Variants in ENOX1 observed in about 807,000 individuals in gnomAD.
The protein encoded by ENOX1 is ecto-NOX disulfide-thiol exchanger 1.
Under a neutral mutation model 82.5 loss-of-function variants are expected in ENOX1, and 42 were observed. The observed-to-expected ratio is 0.51, with a 90% CI of 0.40 to 0.66. The LOEUF (loss-of-function observed/expected upper bound fraction) is 0.66. Ranked by LOEUF, ENOX1 falls within the 30% of genes least tolerant of loss-of-function variation. The pLI, the probability that ENOX1 is intolerant of heterozygous loss-of-function variation, is 0.00. For missense variants in ENOX1, 608 were observed against 811.6 expected (o/e 0.75, Z 3.05); for synonymous variants, 271 against 282.2 (o/e 0.96, Z 0.40).
At chr13:43,216,616 C>T (rs1264026222) in intron 16 of ENOX1, among the ~76,000 whole-genome samples, 1 of 152,092 alleles carries the variant, frequency 6.6e-6, no homozygotes, top group Non-Finnish European at 1.5e-5. Context: ...GCTCTAGTCT[C>T]CAGTCAAATT....
chr13:43,215,684 C>T (rs1463282381), intron 16 of ENOX1, among the ~76,000 whole-genome samples: 1 of 152,170 alleles, frequency 6.6e-6, no homozygotes, highest in Non-Finnish European at 1.5e-5. Context: ...GTGCCTTAAG[C>T]ACTTCCCATG....
chr13:43,287,316 G>C (rs1240619789), intron 12 of ENOX1, among the ~76,000 whole-genome samples: 1 of 152,214 alleles, frequency 6.6e-6, no homozygotes, highest in African/African-American at 2.4e-5. Flanking sequence ...CTGTGAGCCT[G>C]AGTCTTCTTT....
intron 2 of ENOX1, among the ~76,000 whole-genome samples, chr13:43,588,622 C>T (rs2081100861): frequency 6.6e-6 from 1 of 152,220 alleles, no homozygotes; most frequent in Non-Finnish European, 1.5e-5. Flanking sequence ...ACCTCCTAGA[C>T]ATATGGCCTC....
chr13:43,221,260 T>C (rs974707131), intron 16 of ENOX1, among the ~76,000 whole-genome samples: 2 of 152,202 alleles, frequency 1.3e-5, no homozygotes, highest in Non-Finnish European at 2.9e-5. Flanking sequence ...CTAAAGGATA[T>C]ATAAACAGGG....
intron 1 of ENOX1, among the ~76,000 whole-genome samples, chr13:43,746,289 T>C (rs952142924): frequency 1.3e-5 from 2 of 152,162 alleles, no homozygotes; most frequent in African/African-American, 4.8e-5. Context: ...GTTTGAGTTT[T>C]GTAACCTTGG....
chr13:43,757,822 CT>C (rs1177903733), intron 1 of ENOX1, among the ~76,000 whole-genome samples: 9 of 151,650 alleles, frequency 5.9e-5, no homozygotes, highest in East Asian at 3.9e-4. Flanking sequence ...AAATGTATGA[CT>C]TTTTTTTTCA....
chr13:43,491,059 T>C (rs1593464092), intron 2 of ENOX1, among the ~76,000 whole-genome samples: 1 of 152,182 alleles, frequency 6.6e-6, no homozygotes, highest in Non-Finnish European at 1.5e-5. Flanking sequence ...CTTCAGCCTA[T>C]ACAGGAAGCA....
intron 2 of ENOX1, among the ~76,000 whole-genome samples, chr13:43,620,005 T>G (rs2082653882): frequency 6.6e-6 from 1 of 152,150 alleles, no homozygotes; most frequent in Non-Finnish European, 1.5e-5. Context: ...TCCAGGAATT[T>G]ATCCATCTCT....
At chr13:43,730,892 T>A (rs762526894) in intron 1 of ENOX1, among the ~76,000 whole-genome samples, 3 of 152,160 alleles carry the variant, frequency 2.0e-5, no homozygotes, top group Non-Finnish European at 4.4e-5. Context: ...GCATTTCCTG[T>A]CATCTGGGAT....
intron 3 of ENOX1, among the ~76,000 whole-genome samples, chr13:43,414,095 T>A (rs2054302543): frequency 6.6e-6 from 1 of 152,222 alleles, no homozygotes; most frequent in Admixed American, 6.5e-5. Context: ...TTTTATGGCA[T>A]GTCTTTTTGT....
At chr13:43,534,532 C>T (rs1033709077) in intron 2 of ENOX1, among the ~76,000 whole-genome samples, 1 of 152,182 alleles carries the variant, frequency 6.6e-6, no homozygotes, top group Non-Finnish European at 1.5e-5. Context: ...AATGCTATCA[C>T]AGACTGAAGA....
At chr13:43,536,233 C>T (rs190813578) in intron 2 of ENOX1, among the ~76,000 whole-genome samples, 1 of 152,290 alleles carries the variant, frequency 6.6e-6, no homozygotes, top group Admixed American at 6.5e-5. Flanking sequence ...ATTGGTGAAT[C>T]TGGTTTGGTG....
At position 43,214,030 on chromosome 13, in the gene ENOX1, C is replaced by CT. The variant is rs1340442483; in HGVS notation, c.1891dup (p.Arg631LysfsTer8). On this transcript the variant is annotated frameshift_variant, in exon 17 of 17. Transcript: ENST00000690772. LOFTEE classifies it high-confidence loss of function. ...TCCTTCAAAGGCACACAGCTTCCAT[C>CT]TTTTTTCCAGCGTGGCTCCCACACC... 6.2e-7 allele frequency: 1 copy of CT among 1,613,744 alleles called. No homozygotes were observed. Among genetic ancestry groups the CT allele is most frequent in the Non-Finnish European group, 8.5e-7 (1 of 1,179,780 alleles).
chr13:43,784,185 T>C (rs1043341367), intron 1 of ENOX1, among the ~76,000 whole-genome samples: 10 of 152,250 alleles, frequency 6.6e-5, no homozygotes, highest in Non-Finnish European at 1.2e-4. Context: ...CGTGTATAAA[T>C]ATACAACTGT....
intron 3 of ENOX1, among the ~76,000 whole-genome samples, chr13:43,416,368 C>T (rs1353678679): frequency 2.3e-4 from 33 of 146,138 alleles, no homozygotes; most frequent in African/African-American, 7.9e-4. Context: ...CGGACAGAAG[C>T]GCTCCTCACA....
intron 5 of ENOX1, among the ~76,000 whole-genome samples, chr13:43,410,993 T>TTGAA (rs1882764549): frequency 6.6e-6 from 1 of 152,180 alleles, no homozygotes; most frequent in South Asian, 2.1e-4. Context: ...TGAGTATTTG[T>TTGAA]TGAATGAATG....
rs77416487 is a variant in ENOX1 at position 43,644,908 on chromosome 13, T to A, written c.-219+22571A>T. 2.0e-3 allele frequency among the ~76,000 whole-genome samples: 311 copies of A among 152,298 alleles called. 3 individuals carry two copies. The highest frequency in any genetic ancestry group is 7.3e-3 in the African/African-American group (302 of 41,584). The stretch of plus-strand genomic sequence containing the variant: ...CAAGTTTAAGCCTAAAAAACATATC[T>A]GGGTTTTGGTTATCTCATAGATTAT... On this transcript the variant is annotated intron_variant, in intron 2 of 16. Coordinates refer to ENST00000690772, the MANE Select transcript of ENOX1 (RefSeq NM_001347969.2).
chr13:43,482,112 C>A (rs536877049), intron 3 of ENOX1, among the ~76,000 whole-genome samples: 76 of 152,214 alleles, frequency 5.0e-4, no homozygotes, highest in South Asian at 3.3e-3. Flanking sequence ...AATAGAACTA[C>A]CATATGATCC....
chr13:43,695,302 T>G (rs2086577243), intron 1 of ENOX1, among the ~76,000 whole-genome samples: 1 of 152,056 alleles, frequency 6.6e-6, no homozygotes, highest in South Asian at 2.1e-4. Context: ...GGGATCTAAG[T>G]AGGGGTTACC....
Sources: gnomAD v4.1 joint callset for allele counts (sites outside exome capture counted in the v4.1 genomes callset) on GRCh38, gnomAD v4.1.1 for gene constraint, MANE v1.5 for transcripts, NCBI Gene and HGNC (gene_info 2026-07-23, HGNC 2026-07-21) for gene names.